The following FMNL2 variants were observed in gnomAD, a reference collection of about 807,000 sequenced individuals.
FMNL2 encodes the protein formin like 2, also known as formin-like protein 2.
FMNL2 carries 51 observed loss-of-function variants against 130.2 expected under a neutral mutation model. That is an observed-to-expected ratio of 0.39 (90% CI 0.31 to 0.49). The LOEUF (loss-of-function observed/expected upper bound fraction) is 0.49, where lower values mean the gene tolerates loss of function less well. FMNL2 is among the 20% of genes least tolerant of loss of function. The pLI is 0.85. For synonymous variants in FMNL2, 465 were observed against 467.1 expected, an observed-to-expected ratio of 1.00 and a Z score of 0.06; for missense variants, 977 against 1,316.2, an observed-to-expected ratio of 0.74 and a Z score of 3.99.
intron 10 of FMNL2, among the ~76,000 whole-genome samples, chr2:152,608,167 A>G (rs192543523): frequency 3.0e-4 from 45 of 152,214 alleles, no homozygotes; most frequent in African/African-American, 1.1e-3. Flanking sequence ...CAGTTGCCCT[A>G]GGGAAATTCT....
At chr2:152,486,114 G>A (rs539845573) in intron 1 of FMNL2, among the ~76,000 whole-genome samples, 1 of 152,280 alleles carries the variant, frequency 6.6e-6, no homozygotes, top group African/African-American at 2.4e-5. Flanking sequence ...TGGGAACTGA[G>A]CTCAAGTGGA....
chr2:152,461,321 TG>T (rs1415495299), intron 1 of FMNL2, among the ~76,000 whole-genome samples: 16 of 151,952 alleles, frequency 1.1e-4, no homozygotes, highest in South Asian at 2.1e-4. Context: ...CATTCCAACA[TG>T]TAATCAATAT....
chr2:152,409,964 G>T (rs1241171694), intron 1 of FMNL2, among the ~76,000 whole-genome samples: 1 of 152,170 alleles, frequency 6.6e-6, no homozygotes, highest in Non-Finnish European at 1.5e-5. Flanking sequence ...AATAGTCTAG[G>T]TGTGTGAACT....
At chr2:152,452,543 C>G (rs991112026) in intron 1 of FMNL2, among the ~76,000 whole-genome samples, 5 of 152,120 alleles carry the variant, frequency 3.3e-5, no homozygotes, top group South Asian at 2.1e-4. Context: ...CTCCTCCCCC[C>G]CCTAGTTTTC....
At chr2:152,590,022 T>C (rs1371832035) in intron 9 of FMNL2, among the ~76,000 whole-genome samples, 9 of 140,692 alleles carry the variant, frequency 6.4e-5, no homozygotes, top group South Asian at 4.3e-4. Context: ...TATACATATA[T>C]ATATACATAT....
chr2:152,574,351 G>T (rs1192516811), intron 6 of FMNL2, among the ~76,000 whole-genome samples: 3 of 150,704 alleles, frequency 2.0e-5, no homozygotes, highest in African/African-American at 4.9e-5. Context: ...CAGGAGAATC[G>T]CTTGAACCTG....
intron 9 of FMNL2, among the ~76,000 whole-genome samples, chr2:152,591,800 T>C (rs1697460285): frequency 6.6e-6 from 1 of 150,672 alleles, no homozygotes; most frequent in South Asian, 2.1e-4. Context: ...AGCGAGAACC[T>C]GTCTCTAAAG....
chr2:152,479,589 T>G (rs1302915703), intron 1 of FMNL2, among the ~76,000 whole-genome samples: 1 of 152,194 alleles, frequency 6.6e-6, no homozygotes, highest in African/African-American at 2.4e-5. Flanking sequence ...CACCTCGACT[T>G]TGATGTTTTT....
chr2:152,356,947 G>T (rs201638438), intron 1 of FMNL2, among the ~76,000 whole-genome samples: 1 of 99,638 alleles, frequency 1.0e-5, no homozygotes, highest in Non-Finnish European at 2.2e-5. Flanking sequence ...TATATATTAA[G>T]TAATATATAT....
chr2:152,561,097 T>A lies in FMNL2; in HGVS notation c.596+62T>A, dbSNP rs1695497478. On this transcript the variant is annotated intron_variant, in intron 6 of 25. Transcript: ENST00000288670. ...TGCACTGGGACAGCAGGCTCCTACT[T>A]CTTTTGATGATTCTGGGCACTGTAT... The A allele has an allele frequency of 3.4e-6, 5 of 1,490,596 alleles. No homozygotes were observed. The South Asian group carries it at 6.6e-5, about 20-fold the overall frequency. The allele number at this position is 1,490,596 out of a possible 1,614,324, so 92.3% of individuals were successfully genotyped here. A position where few individuals can be genotyped will look rare whatever the true frequency, so the allele number is the denominator to read the frequency against.
chr2:152,451,597 A>G (rs572393726), intron 1 of FMNL2, among the ~76,000 whole-genome samples: 3 of 152,212 alleles, frequency 2.0e-5, no homozygotes, highest in South Asian at 4.1e-4. Flanking sequence ...GGATGAGGAG[A>G]CTGAGGCACA....
chr2:152,354,461 A>G (rs574542400), intron 1 of FMNL2, among the ~76,000 whole-genome samples: 1 of 152,338 alleles, frequency 6.6e-6, no homozygotes, highest in East Asian at 1.9e-4. Context: ...GGAGGCACAG[A>G]AAGAAGACAT....
intron 9 of FMNL2, among the ~76,000 whole-genome samples, chr2:152,595,711 T>C (rs1279699959): frequency 6.6e-6 from 1 of 152,198 alleles, no homozygotes. Flanking sequence ...CTTTGAGGAA[T>C]GTGTGTTCTA....
chr2:152,364,259 G>GGTTTTTTTTTTTTTTTTTT (rs1553868318), intron 1 of FMNL2, among the ~76,000 whole-genome samples: 1 of 100,798 alleles, frequency 9.9e-6, no homozygotes, highest in African/African-American at 4.4e-5. Context: ...GGAGGTTTGT[G>GGTTTTTTTTTTTTTTTTTT]TGTTTTTTTT....
At chr2:152,494,219 C>T (rs1451515232) in intron 1 of FMNL2, among the ~76,000 whole-genome samples, 1 of 152,142 alleles carries the variant, frequency 6.6e-6, no homozygotes, top group East Asian at 1.9e-4. Flanking sequence ...GTGAGCTTTT[C>T]CTTTTGTATG....
chr2:152,455,438 A>G (rs1162841464), intron 1 of FMNL2, among the ~76,000 whole-genome samples: 4 of 152,224 alleles, frequency 2.6e-5, no homozygotes, highest in East Asian at 1.9e-4. Flanking sequence ...TCCAGCCAGC[A>G]CACAGGAGGG....
intron 9 of FMNL2, 63 bp downstream of exon 9, chr2:152,581,112 G>C: frequency 7.0e-7 from 1 of 1,429,944 alleles, no homozygotes; most frequent in South Asian, 1.2e-5. Flanking sequence ...ATCTTTGAAC[G>C]GAATTATTTA....
At chr2:152,351,814 C>T (rs1208693965) in intron 1 of FMNL2, among the ~76,000 whole-genome samples, 4 of 152,182 alleles carry the variant, frequency 2.6e-5, no homozygotes, top group African/African-American at 9.7e-5. Context: ...TACACTCCCA[C>T]CAACAGTGTA....
chr2:152,458,918 G>T (rs989614259), intron 1 of FMNL2, among the ~76,000 whole-genome samples: 2 of 152,174 alleles, frequency 1.3e-5, no homozygotes, highest in African/African-American at 4.8e-5. Flanking sequence ...GTGTAATAGA[G>T]TTAAGGGCAC....
Sources: gnomAD v4.1 joint callset for allele counts (sites outside exome capture counted in the v4.1 genomes callset) on GRCh38, gnomAD v4.1.1 for gene constraint, MANE v1.5 for transcripts, NCBI Gene and HGNC (gene_info 2026-07-23, HGNC 2026-07-21) for gene names.